PTPRQ: variants seen among roughly 807,000 people sequenced by gnomAD.
The protein encoded by PTPRQ is protein tyrosine phosphatase receptor type Q, also known as phosphatidylinositol phosphatase PTPRQ.
In PTPRQ, 199 loss-of-function variants were observed where a neutral mutation model predicts 246.0. The observed-to-expected ratio is 0.81, with a 90% confidence interval of 0.72 to 0.91. The LOEUF is 0.91. PTPRQ is among the 40% of genes least tolerant of loss of function. PTPRQ has a pLI of 0.00. For missense variants in PTPRQ, 2,624 were observed against 2,528.4 expected, an observed-to-expected ratio of 1.04 and a Z score of -0.81; for synonymous variants, 869 against 853.2, an observed-to-expected ratio of 1.02 and a Z score of -0.32.
At chr12:80,569,325 T>C (rs536965187) in intron 25 of PTPRQ, among the ~76,000 whole-genome samples, 65 of 144,064 alleles carry the variant, frequency 4.5e-4, no homozygotes, top group African/African-American at 1.6e-3. Flanking sequence ...TATTCCATGG[T>C]GTATATGTGC....
chr12:80,472,046 G>A (rs1386636646), intron 7 of PTPRQ, 59 bp from the exon 8 acceptor site: 9 of 1,540,438 alleles, frequency 5.8e-6, no homozygotes, highest in Non-Finnish European at 7.0e-6. Context: ...GTACTTAAAT[G>A]TGAACATGAT....
chr12:80,503,873 C>T (rs1894875655), intron 14 of PTPRQ, among the ~76,000 whole-genome samples: 2 of 151,360 alleles, frequency 1.3e-5, no homozygotes, highest in Admixed American at 6.6e-5. Flanking sequence ...CTTTATTTTT[C>T]TGGGTATGGA....
At chr12:80,469,411 T>G (rs1893552463) in intron 7 of PTPRQ, among the ~76,000 whole-genome samples, 1 of 152,194 alleles carries the variant, frequency 6.6e-6, no homozygotes, top group Non-Finnish European at 1.5e-5. Context: ...CAGAGATACT[T>G]TGAGAGGATC....
chr12:80,518,512 G>A (rs1895373293), intron 17 of PTPRQ, among the ~76,000 whole-genome samples: 1 of 152,004 alleles, frequency 6.6e-6, no homozygotes, highest in Non-Finnish European at 1.5e-5. Flanking sequence ...GTCCGTTTTT[G>A]CTTTGGTTGC....
intron 17 of PTPRQ, among the ~76,000 whole-genome samples, chr12:80,511,540 A>C (rs969023355): frequency 3.9e-5 from 6 of 152,212 alleles, no homozygotes; most frequent in Non-Finnish European, 8.8e-5. Context: ...TACACTCCCA[A>C]GAGATAACTG....
At position 80,495,342 on chromosome 12, in the gene PTPRQ, C is replaced by G. The variant is rs1894581904; in HGVS notation, c.1853C>G (p.Thr618Ser). 6.6e-7 allele frequency: 1 copy of G among 1,525,402 alleles called. No homozygotes were observed. 94.5% of individuals were successfully genotyped at this position (1,525,402 alleles called of 1,614,324 possible). Residue 618 changes from threonine to serine, a missense_variant, in exon 12 of 45, where the codon ACT (threonine) becomes AGT (serine). By Grantham distance (58) the Thr-to-Ser change is moderately conservative. Coordinates refer to ENST00000644991, the MANE Select transcript of PTPRQ (RefSeq NM_001145026.2). ...ELDTNRAFQITTIDNSFLITG... is the reference protein window; with the variant it reads ...ELDTNRAFQISTIDNSFLITG... ...GATACAAACAGAGCATTCCAGATAACTACCATAGATAACAGCTTTCTCATA... is the reference window on the plus strand; with the variant it reads ...GATACAAACAGAGCATTCCAGATAAGTACCATAGATAACAGCTTTCTCATA...
intron 17 of PTPRQ, among the ~76,000 whole-genome samples, chr12:80,527,499 T>C (rs1486372526): frequency 2.0e-5 from 3 of 152,092 alleles, no homozygotes; most frequent in African/African-American, 7.2e-5. Context: ...TGAATAATTA[T>C]TCCCATATTA....
At chr12:80,654,308 G>A (rs1900357186) in intron 38 of PTPRQ, among the ~76,000 whole-genome samples, 1 of 152,058 alleles carries the variant, frequency 6.6e-6, no homozygotes, top group African/African-American at 2.4e-5. Flanking sequence ...TTGTCAGGCT[G>A]GTTAAATTTC....
intron 25 of PTPRQ, among the ~76,000 whole-genome samples, chr12:80,571,772 T>A (rs951038132): frequency 6.6e-6 from 1 of 152,096 alleles, no homozygotes; most frequent in Non-Finnish European, 1.5e-5. Flanking sequence ...AAAGATACTT[T>A]TATTTATAAT....
chr12:80,549,672 C>A lies in PTPRQ; in HGVS notation c.4223C>A (p.Ala1408Asp). The change falls in exon 25 of 45, where the codon GCT (alanine) becomes GAT (aspartate). Residue 1408 changes from alanine (A) to aspartate (D), a missense_variant. Physicochemically the swap from Ala to Asp is moderately radical, Grantham distance 126 (BLOSUM62 -2). Coordinates refer to ENST00000644991, the MANE Select transcript of PTPRQ (RefSeq NM_001145026.2). Reference protein sequence around the residue: ...ANTSYVFKVRASTSAGEGDES... With the variant: ...ANTSYVFKVRDSTSAGEGDES... Reference sequence around the variant, plus strand: ...ACCTCATATGTCTTTAAAGTAAGAGCTTCAACCTCAGCTGGTGAAGGTGAT... The same window carrying A: ...ACCTCATATGTCTTTAAAGTAAGAGATTCAACCTCAGCTGGTGAAGGTGAT... 1 of 1,551,126 alleles carries A rather than the reference C, an allele frequency of 6.4e-7. No homozygotes were observed. Among genetic ancestry groups the A allele is most frequent in the Non-Finnish European group, 8.7e-7 (1 of 1,146,544 alleles).
chr12:80,508,422 G>A (rs1895028086), intron 16 of PTPRQ, among the ~76,000 whole-genome samples: 2 of 152,020 alleles, frequency 1.3e-5, no homozygotes, highest in Admixed American at 1.3e-4. Context: ...TTACTCTGGG[G>A]TGTGAGGTAA....
At chr12:80,493,590 C>T (rs760324987) in intron 10 of PTPRQ, 135 bp downstream of exon 10, 16 of 1,283,168 alleles carry the variant, frequency 1.2e-5, no homozygotes, top group South Asian at 5.7e-5. Flanking sequence ...TTTTAGCTGT[C>T]GGAAAACCTC....
chr12:80,460,361 ATGAAGC>A (rs1200161278), intron 5 of PTPRQ, among the ~76,000 whole-genome samples: 1 of 152,234 alleles, frequency 6.6e-6, no homozygotes, highest in Non-Finnish European at 1.5e-5. Flanking sequence ...CACTGTTAAC[ATGAAGC>A]TTAAAAATTC....
chr12:80,518,661 A>G (rs2120745075), intron 17 of PTPRQ, among the ~76,000 whole-genome samples: 1 of 152,214 alleles, frequency 6.6e-6, no homozygotes, highest in East Asian at 1.9e-4. Context: ...GTATATGGTG[A>G]AAGATGGAGG....
Position 80,658,026 on chromosome 12 carries a change from C to A in PTPRQ, c.6157C>A (p.Pro2053Thr). 1.4e-6 allele frequency: 2 copies of A among 1,440,872 alleles called. No individual in the cohort carries two copies. The highest frequency in any genetic ancestry group is 1.6e-5 in the South Asian group (1 of 60,998). The allele number at this position is 1,440,872 out of a possible 1,614,324, so 89.3% of individuals were successfully genotyped here. Residue 2053 changes from proline (P) to threonine (T), a missense_variant, in exon 39 of 45, where the codon CCA becomes ACA. By Grantham distance (38) the Pro-to-Thr change is conservative. Coordinates refer to ENST00000644991, the MANE Select transcript of PTPRQ (RefSeq NM_001145026.2). ...RVKLIADASV[P>T]GSDYINASYI... Reference sequence around the variant, plus strand: ...AAAGCTGATAGCTGACGCTAGTGTTCCAGGTTCGGATTATATTAATGCCAG... The same window carrying A: ...AAAGCTGATAGCTGACGCTAGTGTTACAGGTTCGGATTATATTAATGCCAG...
chr12:80,576,301 C>G (rs1404174414), intron 25 of PTPRQ, among the ~76,000 whole-genome samples: 1 of 151,976 alleles, frequency 6.6e-6, no homozygotes, highest in Non-Finnish European at 1.5e-5. Context: ...GCCATCACAC[C>G]CAGCTAATTT....
intron 43 of PTPRQ, among the ~76,000 whole-genome samples, chr12:80,676,907 C>G (rs1437548909): frequency 6.6e-6 from 1 of 152,190 alleles, no homozygotes; most frequent in Non-Finnish European, 1.5e-5. Flanking sequence ...CACACACTCC[C>G]ACCCCCAGAT....
At chr12:80,491,548 T>C (rs1297238791) in intron 9 of PTPRQ, among the ~76,000 whole-genome samples, 1 of 152,114 alleles carries the variant, frequency 6.6e-6, no homozygotes, top group Non-Finnish European at 1.5e-5. Flanking sequence ...AAGTAGCTTT[T>C]ATGGGAAACC....
chr12:80,452,040 G>A (rs1246462504), intron 3 of PTPRQ, among the ~76,000 whole-genome samples: 3 of 30,290 alleles, frequency 9.9e-5, no homozygotes, highest in Non-Finnish European at 1.8e-4. Flanking sequence ...TTATGAATCT[G>A]GGTGCTCCTG....
Sources: gnomAD v4.1 joint callset for allele counts (sites outside exome capture counted in the v4.1 genomes callset) on GRCh38, gnomAD v4.1.1 for gene constraint, MANE v1.5 for transcripts, NCBI Gene and HGNC (gene_info 2026-07-23, HGNC 2026-07-21) for gene names.